The following CNOT6L variants were observed in gnomAD, a reference collection of about 807,000 sequenced individuals.
The protein encoded by CNOT6L is CCR4-NOT transcription complex subunit 6 like.
A neutral mutation model predicts 64.0 loss-of-function variants in CNOT6L; 7 were observed. That is an observed-to-expected ratio of 0.11 (90% CI 0.06 to 0.21). The LOEUF is 0.21. CNOT6L is among the 10% of genes least tolerant of loss of function. The probability of loss-of-function intolerance (pLI) is 1.00; values close to 1 mark genes in which losing one functional copy is unlikely to be tolerated. For synonymous variants in CNOT6L, 193 were observed against 243.4 expected (o/e 0.79, Z 1.93); for missense variants, 245 against 669.0 (o/e 0.37, Z 6.99).
chr4:77,758,300 T>C (rs1553927051), intron 4 of CNOT6L, among the ~76,000 whole-genome samples: 1 of 152,136 alleles, frequency 6.6e-6, no homozygotes, highest in Non-Finnish European at 1.5e-5. Flanking sequence ...GAAAAAACTC[T>C]TGATGAATGA....
chr4:77,722,476 T>C (rs1577914878), intron 11 of CNOT6L, among the ~76,000 whole-genome samples: 3 of 152,098 alleles, frequency 2.0e-5, no homozygotes, highest in African/African-American at 4.8e-5. Context: ...GGCCCAAGAA[T>C]TGCTTTAACC....
At chr4:77,748,059 C>G (rs1053566559) in intron 6 of CNOT6L, among the ~76,000 whole-genome samples, 1 of 152,064 alleles carries the variant, frequency 6.6e-6, no homozygotes, top group Non-Finnish European at 1.5e-5. Context: ...ACCCAATACT[C>G]TCTATGAAGA....
At chr4:77,754,882 T>A (rs1395865553) in intron 5 of CNOT6L, among the ~76,000 whole-genome samples, 3 of 10,016 alleles carry the variant, frequency 3.0e-4, no homozygotes, top group African/African-American at 4.6e-4. Context: ...TTCTAAACAT[T>A]AGAAGTAAAA....
At chr4:77,745,585 C>A (rs1384400043) in intron 6 of CNOT6L, among the ~76,000 whole-genome samples, 1 of 152,184 alleles carries the variant, frequency 6.6e-6, no homozygotes, top group East Asian at 1.9e-4. Context: ...TTAACAAAAT[C>A]TCCAGGTGAT....
At chr4:77,721,446 T>C (rs1019605612) in intron 11 of CNOT6L, among the ~76,000 whole-genome samples, 2 of 152,156 alleles carry the variant, frequency 1.3e-5, no homozygotes, top group Non-Finnish European at 2.9e-5. Context: ...CATATCAAGA[T>C]AGCCTGAGCC....
rs538232749 is a variant in CNOT6L, at chr4:77,801,331, T to C, written c.5+17973A>G. On this transcript the variant is annotated intron_variant, in intron 1 of 11. Coordinates refer to ENST00000504123, the MANE Select transcript of CNOT6L (RefSeq NM_144571.3). ...AAGCAACAAAGCAAACTAAATATAA[T>C]GCTCTTCACAATTTCAATCCTGCAC... 7.2e-5 allele frequency among the ~76,000 whole-genome samples: 11 copies of C among 152,288 alleles called. No individual in the cohort carries two copies. The South Asian group carries it at 8.3e-4, about 11-fold the overall frequency.
intron 1 of CNOT6L, among the ~76,000 whole-genome samples, chr4:77,788,359 T>A (rs962411038): frequency 1.3e-5 from 2 of 152,152 alleles, no homozygotes; most frequent in South Asian, 2.1e-4. Flanking sequence ...ATGACATGCA[T>A]GATAAGGTTA....
At chr4:77,816,911 A>G (rs1314284092) in intron 1 of CNOT6L, among the ~76,000 whole-genome samples, 1 of 152,210 alleles carries the variant, frequency 6.6e-6, no homozygotes, top group African/African-American at 2.4e-5. Context: ...TTTAATGAAC[A>G]CATTTCCTAC....
In CNOT6L at chr4:77,774,778, C is replaced by G. The variant is rs75311139; in HGVS notation, c.128-62G>C. 3.5e-3 allele frequency: 3,763 copies of G among 1,073,960 alleles called. 182 individuals carry two copies. In the East Asian group the frequency reaches 0.089, roughly 25 times the overall value. The allele number at this position is 1,073,960 out of a possible 1,614,324, so 66.5% of individuals were successfully genotyped here. A position where few individuals can be genotyped will look rare whatever the true frequency, so the allele number is the denominator to read the frequency against. The stretch of plus-strand genomic sequence containing the variant: ...CAGGCCCAAGATGACACCTAAACTA[C>G]AACGACTGAAAAGTGGTAAGAGAGG... On this transcript the variant is annotated intron_variant, in intron 2 of 11. Coordinates refer to ENST00000504123, the MANE Select transcript of CNOT6L (RefSeq NM_144571.3).
chr4:77,795,909 G>A (rs1482199454), intron 1 of CNOT6L, among the ~76,000 whole-genome samples: 1 of 152,128 alleles, frequency 6.6e-6, no homozygotes, highest in Non-Finnish European at 1.5e-5. Context: ...TTCCCCAAAT[G>A]ATCTACAAAT....
chr4:77,763,781 C>G (rs1483228325), intron 4 of CNOT6L, among the ~76,000 whole-genome samples: 2 of 152,170 alleles, frequency 1.3e-5, no homozygotes, highest in Non-Finnish European at 2.9e-5. Context: ...TGTCACAGAA[C>G]TGGTTCATTA....
intron 1 of CNOT6L, chr4:77,819,094 C>T: frequency 1.5e-6 from 1 of 675,020 alleles, no homozygotes; most frequent in Non-Finnish European, 2.4e-6. Flanking sequence ...CTTCGCCCGC[C>T]TCTGAAGAGA....
At chr4:77,747,300 G>C (rs758653225) in intron 6 of CNOT6L, among the ~76,000 whole-genome samples, 1 of 152,104 alleles carries the variant, frequency 6.6e-6, no homozygotes, top group Non-Finnish European at 1.5e-5. Context: ...CTAAGTAGCT[G>C]GGATTACAGG....
chr4:77,765,246 C>T (rs758134867), intron 4 of CNOT6L, among the ~76,000 whole-genome samples: 1 of 152,136 alleles, frequency 6.6e-6, no homozygotes, highest in African/African-American at 2.4e-5. Context: ...AAAAATCACC[C>T]CTTGTTTAGC....
At chr4:77,769,922 G>C (rs1414173305) in intron 4 of CNOT6L, among the ~76,000 whole-genome samples, 1 of 152,086 alleles carries the variant, frequency 6.6e-6, no homozygotes, top group East Asian at 1.9e-4. Context: ...GTCGGATAAA[G>C]TATTGCCTTA....
At chr4:77,734,909 T>TA (rs1011271911) in intron 8 of CNOT6L, among the ~76,000 whole-genome samples, 60 of 149,052 alleles carry the variant, frequency 4.0e-4, no homozygotes, top group East Asian at 2.5e-3. Context: ...GACAGAATAA[T>TA]AAAAAAAAAA....
chr4:77,793,836 T>C (rs532236958), intron 1 of CNOT6L, among the ~76,000 whole-genome samples: 101 of 152,138 alleles, frequency 6.6e-4, no homozygotes, highest in African/African-American at 2.4e-3. Flanking sequence ...AACTTAAAAA[T>C]TGTAAAACAA....
In CNOT6L at chr4:77,776,352, G is replaced by T. The variant is rs560648612; in HGVS notation, c.46C>A (p.Pro16Thr). The change falls in exon 2 of 12, where the codon CCT becomes ACT. Residue 16 changes from proline (P) to threonine (T), a missense_variant. Physicochemically the swap from Pro to Thr is conservative, Grantham distance 38. This residue lies in a region of CNOT6L where 78 missense variants were observed against 137.6 expected (regional missense o/e 0.57). Transcript: ENST00000504123. ...GACATGATGGTATAAATTCTGCGAG[G>T]ATCTGGAGGATCATATTTTTCCTTT... The part of the protein sequence containing the change: ...MPKEKYDPPD[P>T]RRIYTIMSAE... 4 of 1,609,354 alleles carry T rather than the reference G, an allele frequency of 2.5e-6. No individual in the cohort carries two copies. The East Asian group carries it at 6.7e-5, about 27-fold the overall frequency.
At chr4:77,768,474 AATATATATATATATAT>A (rs1193284066) in intron 4 of CNOT6L, among the ~76,000 whole-genome samples, 11 of 13,124 alleles carry the variant, frequency 8.4e-4, no homozygotes, top group East Asian at 2.7e-3. Flanking sequence ...AAAATAAATA[AATATATATATATATAT>A]ATATATATAT....
Sources: gnomAD v4.1 joint callset for allele counts (sites outside exome capture counted in the v4.1 genomes callset) on GRCh38, gnomAD v4.1.1 for gene constraint, gnomAD v4.1.1 regional missense constraint, MANE v1.5 for transcripts, NCBI Gene and HGNC (gene_info 2026-07-23, HGNC 2026-07-21) for gene names.